The following GRP variants were observed in gnomAD, a reference collection of about 807,000 sequenced individuals.
GRP encodes gastrin-releasing peptide.
GRP carries 11 observed loss-of-function variants against 12.7 expected under a neutral mutation model. The ratio of observed to expected loss-of-function variants is 0.87; its 90% CI spans 0.55 to 1.44. The LOEUF is 1.44. Among genes scored for constraint, GRP ranks in the 40% most tolerant of loss-of-function variants. The pLI is 0.00. For synonymous variants in GRP, 84 were observed against 77.7 expected (o/e 1.08, Z -0.43); for missense variants, 212 against 185.4 (o/e 1.14, Z -0.83).
chr18:59,219,874 G>A (rs2144092145), upstream of GRP, among the ~76,000 whole-genome samples: 1 of 152,238 alleles, frequency 6.6e-6, no homozygotes, highest in South Asian at 2.1e-4. Flanking sequence ...GGCGAGCCTG[G>A]AGAGGGAGGA....
At chr18:59,230,240 G>A (rs745836058) in intron 2 of GRP, among the ~76,000 whole-genome samples, 164 bp from the exon 3 acceptor site, 5 of 152,172 alleles carry the variant, frequency 3.3e-5, no homozygotes, top group South Asian at 4.1e-4. Context: ...AGATTGCTGC[G>A]CTCCGCCCCC....
rs763275339 is a variant in GRP, at chr18:59,230,569, A to G, written c.*101A>G. ...CATCAACAAGATTTCCTTGTGCAAA[A>G]TATTTGACTATTCTGTATCTTTCAT... On this transcript the variant is annotated 3_prime_UTR_variant, in exon 3 of 3. Transcript: ENST00000256857. The G allele has an allele frequency of 3.2e-5, 24 of 744,372 alleles. No homozygotes were observed. The Middle Eastern group carries it at 7.0e-4, about 22-fold the overall frequency. 46.1% of individuals were successfully genotyped at this position (744,372 alleles called of 1,614,324 possible).
chr18:59,220,125 T>A, upstream of GRP: 1 of 243,704 alleles, frequency 4.1e-6, no homozygotes. Flanking sequence ...CGCCCGGGCT[T>A]CCATATAAAG....
At chr18:59,225,428 T>A in intron 1 of GRP, 64 bp from the exon 2 acceptor site, 1 of 1,483,724 alleles carries the variant, frequency 6.7e-7, no homozygotes, top group Non-Finnish European at 9.2e-7. Flanking sequence ...TCTTTTAAAT[T>A]TCTCATTCAT....
At position 59,229,775 on chromosome 18, in the gene GRP, T is replaced by C. The variant is rs371773074; in HGVS notation, c.383-629T>C. ...AAATTATAACTACTCATTCTTTCTT[T>C]AGCCTTAGTTAATTTGAGCAGAAGC... is the stretch of plus-strand genomic sequence containing the variant. On this transcript the variant is annotated intron_variant, in intron 2 of 2. Coordinates refer to ENST00000256857, the MANE Select transcript of GRP (RefSeq NM_002091.5). Among the ~76,000 whole-genome samples the C allele has an allele frequency of 1.8e-4, 28 of 152,328 alleles. No individual in the cohort carries two copies. In the East Asian group the frequency reaches 4.0e-3, roughly 22 times the overall value.
chr18:59,225,768 G>A (rs779551109), intron 2 of GRP, 34 bp downstream of exon 2: 55 of 1,603,114 alleles, frequency 3.4e-5, no homozygotes, highest in Middle Eastern at 1.7e-4. Flanking sequence ...TGGGGTGGGA[G>A]GTATCTGGGG....
chr18:59,220,113 C>G (rs1021425545), upstream of GRP: 2 of 359,104 alleles, frequency 5.6e-6, no homozygotes, highest in Non-Finnish European at 1.0e-5. Context: ...CCCCAGCCCC[C>G]CCGCCCGGGC....
chr18:59,220,246 A>ACCGG lies in GRP; in HGVS notation c.-20_-19insCCGG. On this transcript the variant is annotated 5_prime_UTR_variant, in exon 1 of 3. Coordinates refer to ENST00000256857, the MANE Select transcript of GRP (RefSeq NM_002091.5). The stretch of plus-strand genomic sequence containing the variant: ...CTTCCCAGCCTCTCCGGCGCGCTCC[A>ACCGG]AGGGCTTCCCGTCGGGACCATGCGC... 1.4e-6 allele frequency: 2 copies of ACCGG among 1,480,678 alleles called. No homozygotes were observed. The highest frequency in any genetic ancestry group is 1.3e-5 in the South Asian group (1 of 78,034). The allele number at this position is 1,480,678 out of a possible 1,614,324, so 91.7% of individuals were successfully genotyped here. A position where few individuals can be genotyped will look rare whatever the true frequency, so the allele number is the denominator to read the frequency against.
At chr18:59,220,890 C>G (rs1050224296) in intron 1 of GRP, among the ~76,000 whole-genome samples, 3 of 152,240 alleles carry the variant, frequency 2.0e-5, no homozygotes, top group Non-Finnish European at 2.9e-5. Context: ...GCCTATGCTC[C>G]CCGCAAAGCC....
At chr18:59,220,489 G>A (rs2069813407) in intron 1 of GRP, 85 bp downstream of exon 1, 2 of 1,203,150 alleles carry the variant, frequency 1.7e-6, no homozygotes, top group East Asian at 3.2e-5. Flanking sequence ...ATTTCTTTGC[G>A]TTTCCCTGGC....
intron 2 of GRP, among the ~76,000 whole-genome samples, chr18:59,228,449 TCTCTC>T (rs965909404): frequency 3.9e-5 from 6 of 152,206 alleles, no homozygotes; most frequent in Admixed American, 6.5e-5. Flanking sequence ...TATGCTCTCC[TCTCTC>T]ATTTTAGTAA....
At chr18:59,222,041 C>CT (rs563086125) in intron 1 of GRP, among the ~76,000 whole-genome samples, 119 of 152,294 alleles carry the variant, frequency 7.8e-4, no homozygotes, top group African/African-American at 2.8e-3. Context: ...TTAAAGAGGG[C>CT]TTCTGGGAGC....
chr18:59,221,706 C>T (rs558645687), intron 1 of GRP, among the ~76,000 whole-genome samples: 2 of 151,990 alleles, frequency 1.3e-5, no homozygotes, highest in South Asian at 4.2e-4. Context: ...ATTCACAAAT[C>T]TTGATAGAAG....
intron 1 of GRP, among the ~76,000 whole-genome samples, chr18:59,220,884 A>T (rs2144094955): frequency 6.6e-6 from 1 of 152,210 alleles, no homozygotes; most frequent in South Asian, 2.1e-4. Context: ...AGCTGCGCCT[A>T]TGCTCCCCGC....
At chr18:59,226,025 A>C (rs11872122) in intron 2 of GRP, among the ~76,000 whole-genome samples, 6,147 of 152,176 alleles carry the variant, frequency 0.04, 205 homozygotes, top group African/African-American at 0.085. Context: ...CAGGCCCTAC[A>C]AGAATGTTTT....
At chr18:59,220,937 C>G (rs1186930384) in intron 1 of GRP, among the ~76,000 whole-genome samples, 2 of 152,216 alleles carry the variant, frequency 1.3e-5, no homozygotes, top group African/African-American at 4.8e-5. Context: ...GCTCCCGCCC[C>G]GGGTTTCACA....
intron 2 of GRP, among the ~76,000 whole-genome samples, chr18:59,226,804 T>G (rs2069928552): frequency 6.6e-6 from 1 of 152,234 alleles, no homozygotes; most frequent in African/African-American, 2.4e-5. Flanking sequence ...CTTCACTCTT[T>G]CATGGTGAAG....
chr18:59,222,333 T>C (rs1204625287), intron 1 of GRP, among the ~76,000 whole-genome samples: 1 of 152,184 alleles, frequency 6.6e-6, no homozygotes, highest in East Asian at 1.9e-4. Flanking sequence ...TTGCCCTTCA[T>C]AGTGGTACTT....
chr18:59,225,586 A>G lies in GRP; in HGVS notation c.234A>G (p.Glu78=), dbSNP rs2069905099. Residue 78 remains glutamate, a synonymous_variant, in exon 2 of 3, where the codon GAA becomes GAG. Coordinates refer to ENST00000256857, the MANE Select transcript of GRP (RefSeq NM_002091.5). ...KQQLREYIRW[E]EAARNLLGLI... The stretch of plus-strand genomic sequence containing the variant: ...AGCTGAGAGAGTACATCAGGTGGGA[A>G]GAAGCTGCAAGGAATTTGCTGGGTC... 6.2e-7 allele frequency: 1 copy of G among 1,614,124 alleles called. No homozygotes were observed. Among genetic ancestry groups the G allele is most frequent in the African/African-American group, 1.3e-5 (1 of 75,048 alleles).
Sources: allele counts gnomAD v4.1 joint callset (sites outside exome capture counted in the v4.1 genomes callset), GRCh38; gene constraint gnomAD v4.1.1; transcripts MANE v1.5; gene names NCBI Gene and HGNC (gene_info 2026-07-23, HGNC 2026-07-21).